Variants in TTC27 observed in about 807,000 individuals in gnomAD.
TTC27 encodes the protein tetratricopeptide repeat domain 27, also known as tetratricopeptide repeat protein 27.
TTC27 carries 79 observed loss-of-function variants against 115.9 expected under a neutral mutation model. That is an observed-to-expected ratio of 0.68 (90% CI 0.57 to 0.82). TTC27 has a LOEUF of 0.82. Among genes scored for constraint, TTC27 ranks in the 40% least tolerant of loss-of-function variants. The pLI is 0.00. For missense variants in TTC27, 1,054 were observed against 993.1 expected (o/e 1.06, Z -0.82); for synonymous variants, 401 against 356.0 (o/e 1.13, Z -1.42).
At chr2:32,679,286 T>G (rs765209403) in intron 9 of TTC27, among the ~76,000 whole-genome samples, 2 of 152,068 alleles carry the variant, frequency 1.3e-5, no homozygotes, top group African/African-American at 2.4e-5. Flanking sequence ...CAATTAGGAG[T>G]GCATTGGTTA....
intron 8 of TTC27, among the ~76,000 whole-genome samples, chr2:32,673,660 G>A (rs1451526119): frequency 6.6e-6 from 1 of 152,186 alleles, no homozygotes; most frequent in Non-Finnish European, 1.5e-5. Context: ...TTAAAGTGGT[G>A]TTTGCTAGGC....
rs142030247 is a variant in TTC27, at chr2:32,682,844, G to GTTTTTTTTTTTTTTTTTTTTTTTTTT, written c.1119+3924_1119+3925insTTTTTTTTTTTTTTTTTTTTTTTTTT. On this transcript the variant is annotated intron_variant, in intron 9 of 19. Transcript: ENST00000317907. ...CCACCACACCCGGATAATTTTTATT[G>GTTTTTTTTTTTTTTTTTTTTTTTTTT]TTGTTTTTTTTTTTTTTTTTTTTTT... Among the ~76,000 whole-genome samples the GTTTTTTTTTTTTTTTTTTTTTTTTTT allele has an allele frequency of 1.9e-4, 11 of 56,982 alleles. 2 individuals carry two copies. Among genetic ancestry groups the GTTTTTTTTTTTTTTTTTTTTTTTTTT allele is most frequent in the African/African-American group, 2.3e-4 (3 of 13,302 alleles). 37.4% of individuals were successfully genotyped at this position (56,982 alleles called of 152,430 possible).
At chr2:32,658,235 A>AC (rs2151875020) in intron 5 of TTC27, among the ~76,000 whole-genome samples, 1 of 152,200 alleles carries the variant, frequency 6.6e-6, no homozygotes, top group East Asian at 1.9e-4. Context: ...AGATCCTCCC[A>AC]CTTCGTCCTC....
intron 7 of TTC27, among the ~76,000 whole-genome samples, chr2:32,670,295 A>C (rs1206512855): frequency 6.6e-6 from 1 of 152,350 alleles, no homozygotes; most frequent in East Asian, 1.9e-4. Flanking sequence ...ATTTTAAATT[A>C]CACTTTGTTG....
intron 7 of TTC27, among the ~76,000 whole-genome samples, chr2:32,668,501 TTTC>T (rs1026398036): frequency 6.7e-6 from 1 of 148,692 alleles, no homozygotes; most frequent in Non-Finnish European, 1.5e-5. Context: ...TTGCTTGTTC[TTTC>T]TTTTCTTTTC....
chr2:32,737,862 A>G (rs541448531), intron 12 of TTC27, among the ~76,000 whole-genome samples: 1 of 152,144 alleles, frequency 6.6e-6, no homozygotes, highest in South Asian at 2.1e-4. Flanking sequence ...TTAAAAAATA[A>G]AAAATTAGCT....
chr2:32,795,714 G>A (rs112763613), intron 16 of TTC27, among the ~76,000 whole-genome samples: 6,692 of 87,788 alleles, frequency 0.076, 232 homozygotes, highest in Non-Finnish European at 0.11. Flanking sequence ...CACCATGCCC[G>A]GCTAATTTTT....
At chr2:32,714,483 G>A (rs920378172) in intron 10 of TTC27, among the ~76,000 whole-genome samples, 2 of 152,052 alleles carry the variant, frequency 1.3e-5, no homozygotes, top group African/African-American at 4.8e-5. Context: ...TCTTTATTTA[G>A]TCTACTGTTG....
intron 10 of TTC27, among the ~76,000 whole-genome samples, chr2:32,720,160 A>G (rs1052593560): frequency 6.6e-6 from 1 of 152,002 alleles, no homozygotes; most frequent in East Asian, 1.9e-4. Flanking sequence ...CTGTATGTGT[A>G]TGGTTTATTT....
At chr2:32,768,290 C>T (rs555382696) in intron 13 of TTC27, among the ~76,000 whole-genome samples, 11 of 152,202 alleles carry the variant, frequency 7.2e-5, no homozygotes, top group African/African-American at 2.2e-4. Context: ...TGAATAGAAT[C>T]ATCTTATAAG....
At chr2:32,680,927 T>C (rs895935135) in intron 9 of TTC27, among the ~76,000 whole-genome samples, 5 of 152,166 alleles carry the variant, frequency 3.3e-5, no homozygotes, top group Admixed American at 6.6e-5. Flanking sequence ...TAACCTATTC[T>C]CCTTCCCTTG....
chr2:32,658,194 C>T (rs1252238533), intron 5 of TTC27, among the ~76,000 whole-genome samples: 1 of 152,174 alleles, frequency 6.6e-6, no homozygotes, highest in African/African-American at 2.4e-5. Flanking sequence ...GTAATAATAT[C>T]TCACTGCAAC....
At chr2:32,657,105 C>G (rs1315160198) in intron 5 of TTC27, among the ~76,000 whole-genome samples, 1 of 151,444 alleles carries the variant, frequency 6.6e-6, no homozygotes, top group Admixed American at 6.6e-5. Context: ...CCTGCTTCAA[C>G]CTCCTGAGAA....
At chr2:32,799,632 T>A (rs1162852179) in intron 16 of TTC27, among the ~76,000 whole-genome samples, 1 of 152,114 alleles carries the variant, frequency 6.6e-6, no homozygotes, top group East Asian at 1.9e-4. Context: ...ATGATCACAT[T>A]TAAAAATATG....
intron 9 of TTC27, among the ~76,000 whole-genome samples, chr2:32,680,947 G>C (rs568098853): frequency 2.2e-4 from 33 of 152,082 alleles, no homozygotes; most frequent in African/African-American, 7.2e-4. Context: ...GCACTGTGAG[G>C]TACCTGTGAA....
At chr2:32,767,453 G>GTTTTTTTTTTT (rs397754905) in intron 13 of TTC27, among the ~76,000 whole-genome samples, 22 of 114,244 alleles carry the variant, frequency 1.9e-4, no homozygotes, top group Admixed American at 3.2e-4. Flanking sequence ...GTTTTTTTTT[G>GTTTTTTTTTTT]TTTTTTTTTT....
chr2:32,681,972 GTATATA>G (rs67099066), intron 9 of TTC27, among the ~76,000 whole-genome samples: 2 of 74,934 alleles, frequency 2.7e-5, no homozygotes, highest in Non-Finnish European at 5.9e-5. Flanking sequence ...TTATATATAT[GTATATA>G]TATGTGTGTG....
chr2:32,735,779 G>A (rs1266714570), intron 11 of TTC27, among the ~76,000 whole-genome samples: 1 of 151,982 alleles, frequency 6.6e-6, no homozygotes, highest in African/African-American at 2.4e-5. Flanking sequence ...CATGCCATGG[G>A]CAGTTTTTGA....
chr2:32,740,470 A>G (rs180697403), intron 12 of TTC27, among the ~76,000 whole-genome samples: 2 of 146,756 alleles, frequency 1.4e-5, no homozygotes, highest in African/African-American at 5.0e-5. Context: ...TTTTTCTATC[A>G]TAGAGATTCT....
Sources: allele counts gnomAD v4.1 joint callset (sites outside exome capture counted in the v4.1 genomes callset), GRCh38; gene constraint gnomAD v4.1.1; transcripts MANE v1.5; gene names NCBI Gene and HGNC (gene_info 2026-07-23, HGNC 2026-07-21).